The following PBX3 variants were observed in gnomAD, a reference collection of about 807,000 sequenced individuals.
The protein encoded by PBX3 is pre-B-cell leukemia transcription factor 3.
A neutral mutation model predicts 48.5 loss-of-function variants in PBX3; 14 were observed. That is an observed-to-expected ratio of 0.29 (90% CI 0.19 to 0.45). The LOEUF is 0.45. Ranked by LOEUF, PBX3 falls within the 20% of genes least tolerant of loss-of-function variation. The probability of loss-of-function intolerance (pLI) is 1.00; values close to 1 mark genes in which losing one functional copy is unlikely to be tolerated. For synonymous variants in PBX3, 210 were observed against 200.3 expected (o/e 1.05, Z -0.41); for missense variants, 386 against 546.7 (o/e 0.71, Z 2.93).
At chr9:125,942,461 TA>T (rs1739858328) in intron 5 of PBX3, among the ~76,000 whole-genome samples, 1 of 152,162 alleles carries the variant, frequency 6.6e-6, no homozygotes, top group Admixed American at 6.5e-5. Flanking sequence ...GTAAGCTAAT[TA>T]AAATTTGTAA....
At chr9:125,758,716 C>T (rs922771156) in intron 2 of PBX3, among the ~76,000 whole-genome samples, 1 of 152,044 alleles carries the variant, frequency 6.6e-6, no homozygotes, top group African/African-American at 2.4e-5. Context: ...AAGCCTCTCC[C>T]CTCCAGAAGA....
chr9:125,947,406 C>T (rs75439756), intron 5 of PBX3, among the ~76,000 whole-genome samples: 3,119 of 151,970 alleles, frequency 0.021, 180 homozygotes, highest in East Asian at 0.17. Context: ...TTACGTTTTC[C>T]GGGAAAGATG....
At chr9:125,931,506 C>CA (rs1219613983) in intron 4 of PBX3, among the ~76,000 whole-genome samples, 2 of 152,122 alleles carry the variant, frequency 1.3e-5, no homozygotes, top group African/African-American at 4.8e-5. Context: ...CCATGTTGCC[C>CA]AGCCTGGTCT....
intron 5 of PBX3, among the ~76,000 whole-genome samples, chr9:125,944,997 C>T (rs986449139): frequency 3.3e-5 from 5 of 151,830 alleles, no homozygotes; most frequent in East Asian, 1.9e-4. Context: ...CTGAGGCGGG[C>T]GGATTGCTTG....
chr9:125,886,380 C>T (rs908869742), intron 2 of PBX3, among the ~76,000 whole-genome samples: 1 of 152,134 alleles, frequency 6.6e-6, no homozygotes, highest in South Asian at 2.1e-4. Flanking sequence ...TATCTCCTCA[C>T]TGAAAATCTT....
chr9:125,921,858 T>G (rs971288453), intron 3 of PBX3, among the ~76,000 whole-genome samples: 1 of 152,216 alleles, frequency 6.6e-6, no homozygotes, highest in Admixed American at 6.5e-5. Flanking sequence ...ATATTTATTC[T>G]TTCTTGTCAA....
chr9:125,748,762 T>G (rs191129336), intron 2 of PBX3, 139 bp downstream of exon 2: 17 of 595,528 alleles, frequency 2.9e-5, no homozygotes, highest in Non-Finnish European at 4.8e-5. Context: ...GTCCTGATCT[T>G]GAGAAAAAAC....
rs556191989 is a variant in PBX3 at position 125,868,519 on chromosome 9, A to G, written c.275-47167A>G. ...ATGTGGGCCAGAAGAAAGGACAGAG[A>G]GTGATTCCACAGATATGAGAGCTGG... On this transcript the variant is annotated intron_variant, in intron 2 of 8. Coordinates refer to ENST00000373489, the MANE Select transcript of PBX3 (RefSeq NM_006195.6). 3.3e-5 allele frequency among the ~76,000 whole-genome samples: 5 copies of G among 152,292 alleles called. No homozygotes were observed. The East Asian group carries it at 9.7e-4, about 29-fold the overall frequency.
At chr9:125,777,094 C>T (rs909446341) in intron 2 of PBX3, among the ~76,000 whole-genome samples, 1 of 151,760 alleles carries the variant, frequency 6.6e-6, no homozygotes, top group Non-Finnish European at 1.5e-5. Context: ...AACCTGCAAC[C>T]TCTGCCTCCC....
rs563619432 is a variant in PBX3, at chr9:125,911,835, T to A, written c.275-3851T>A. On this transcript the variant is annotated intron_variant, in intron 2 of 8. Transcript: ENST00000373489. The stretch of plus-strand genomic sequence containing the variant: ...CAGCAGGTCTGAATAATGTACTCTT[T>A]ACTAAGTAAAAGTGATGTGATGACA... Among the ~76,000 whole-genome samples the A allele has an allele frequency of 3.3e-5, 5 of 152,328 alleles. No individual in the cohort carries two copies. The East Asian group carries it at 9.6e-4, about 29-fold the overall frequency.
intron 2 of PBX3, among the ~76,000 whole-genome samples, chr9:125,756,532 G>T (rs1242649105): frequency 6.6e-6 from 1 of 152,134 alleles, no homozygotes; most frequent in Admixed American, 6.5e-5. Context: ...AGAAGGAAGA[G>T]GGTTTGGGTA....
chr9:125,780,672 C>T (rs1396370107), intron 2 of PBX3, among the ~76,000 whole-genome samples: 2 of 134,734 alleles, frequency 1.5e-5, no homozygotes, highest in African/African-American at 5.7e-5. Flanking sequence ...CCGGATGGGG[C>T]GGCTGGCCGG....
chr9:125,961,050 G>T (rs1385852686), intron 6 of PBX3, among the ~76,000 whole-genome samples: 1 of 152,242 alleles, frequency 6.6e-6, no homozygotes, highest in Non-Finnish European at 1.5e-5. Flanking sequence ...CACAGTGAAT[G>T]CCACTCACTA....
rs2118815204 is a variant in PBX3, at chr9:125,960,772, C to T, written c.932C>T (p.Thr311Met). ...QEEANLYAAK[T>M]AVTAAHAVAA... Reference sequence around the variant, plus strand: ...GAAGCCAACCTCTATGCTGCAAAGACGGCCGTGACAGCTGCACACGCAGTA... The same window carrying T: ...GAAGCCAACCTCTATGCTGCAAAGATGGCCGTGACAGCTGCACACGCAGTA... The change falls in exon 6 of 9, where the codon ACG (threonine) becomes ATG (methionine). Residue 311 changes from threonine to methionine, a missense_variant. By Grantham distance (81) the Thr-to-Met change is moderately conservative. This residue lies in a region of PBX3 where 74 missense variants were observed against 206.1 expected (regional missense o/e 0.36). Coordinates refer to ENST00000373489, the MANE Select transcript of PBX3 (RefSeq NM_006195.6). 1.2e-6 allele frequency: 2 copies of T among 1,614,230 alleles called. No individual in the cohort carries two copies. Among genetic ancestry groups the T allele is most frequent in the Non-Finnish European group, 1.7e-6 (2 of 1,180,028 alleles).
intron 8 of PBX3, among the ~76,000 whole-genome samples, chr9:125,965,246 T>C (rs1842506694): frequency 6.6e-6 from 1 of 152,202 alleles, no homozygotes; most frequent in African/African-American, 2.4e-5. Context: ...ACATCCCAAA[T>C]AGGAGCCTCA....
chr9:125,788,143 A>C (rs1173451854), intron 2 of PBX3, among the ~76,000 whole-genome samples: 1 of 152,230 alleles, frequency 6.6e-6, no homozygotes, highest in Non-Finnish European at 1.5e-5. Flanking sequence ...TTTTTCTTAG[A>C]TAATTAGTTG....
intron 2 of PBX3, among the ~76,000 whole-genome samples, chr9:125,830,722 G>T (rs996299672): frequency 1.3e-5 from 2 of 152,052 alleles, no homozygotes; most frequent in Admixed American, 6.6e-5. Flanking sequence ...ATAAATGGAG[G>T]TAATATTTTT....
intron 3 of PBX3, among the ~76,000 whole-genome samples, chr9:125,925,099 T>C (rs1841543251): frequency 6.6e-6 from 1 of 152,262 alleles, no homozygotes; most frequent in East Asian, 1.9e-4. Flanking sequence ...TACTCAAAGG[T>C]TGATATGTAA....
At chr9:125,899,221 ATATATATT>A (rs1039409689) in intron 2 of PBX3, among the ~76,000 whole-genome samples, 2 of 116,528 alleles carry the variant, frequency 1.7e-5, no homozygotes, top group African/African-American at 6.1e-5. Context: ...ATACATATGT[ATATATATT>A]TATATATAAA....
Sources: allele counts gnomAD v4.1 joint callset (sites outside exome capture counted in the v4.1 genomes callset), GRCh38; gene constraint gnomAD v4.1.1; regional missense constraint gnomAD v4.1.1; transcripts MANE v1.5; gene names NCBI Gene and HGNC (gene_info 2026-07-23, HGNC 2026-07-21).